GSG1: variants seen among roughly 807,000 people sequenced by gnomAD.
GSG1 encodes the protein germ cell-specific gene 1 protein.
In GSG1, 28 loss-of-function variants were observed where a neutral mutation model predicts 30.8. The observed-to-expected ratio is 0.91, with a 90% CI of 0.67 to 1.25. The LOEUF (loss-of-function observed/expected upper bound fraction) is 1.25. GSG1 is among the 50% of genes most tolerant of loss of function. The pLI, the probability that GSG1 is intolerant of heterozygous loss-of-function variation, is 0.00. For missense variants in GSG1, 435 were observed against 444.7 expected, an observed-to-expected ratio of 0.98 and a Z score of 0.20; for synonymous variants, 162 against 178.0, an observed-to-expected ratio of 0.91 and a Z score of 0.71.
Position 13,085,148 on chromosome 12 carries a change from C to T in GSG1, c.842G>A (p.Ser281Asn), listed in dbSNP as rs772426524. The stretch of plus-strand genomic sequence containing the variant: ...GTTCGGGTTTTCCTTGAAGCTCTTA[C>T]TATGCTTGCACTTGAACTCCAGCAC... ...RMVLEFKCKHSKSFKENPNCL... is the reference protein window; with the variant it reads ...RMVLEFKCKHNKSFKENPNCL... Residue 281 changes from serine (S) to asparagine (N), a missense_variant, in exon 7 of 7, where the codon AGT becomes AAT. Transcript: ENST00000651961. The T allele has an allele frequency of 1.9e-6, 3 of 1,614,192 alleles. No individual in the cohort carries two copies. The highest frequency in any genetic ancestry group is 2.2e-5 in the South Asian group (2 of 91,070).
chr12:13,088,683 TC>T, intron 4 of GSG1, 178 bp downstream of exon 4: 14 of 1,513,726 alleles, frequency 9.2e-6, no homozygotes, highest in Non-Finnish European at 1.3e-5. Context: ...GCAGTTTAGA[TC>T]CGGAGAGGCC....
At chr12:13,099,762 T>TTTGTTTTTTG (rs1565551365) in intron 1 of GSG1, among the ~76,000 whole-genome samples, 6 of 148,262 alleles carry the variant, frequency 4.0e-5, no homozygotes, top group African/African-American at 1.5e-4. Flanking sequence ...TTTTTTTTTT[T>TTTGTTTTTTG]TTTTTTGTTT....
intron 2 of GSG1, among the ~76,000 whole-genome samples, chr12:13,089,832 C>T (rs1555125002): frequency 6.6e-6 from 1 of 152,170 alleles, no homozygotes; most frequent in African/African-American, 2.4e-5. Context: ...GGGCAGATCA[C>T]CTGAGGTCGG....
chr12:13,102,085 A>T (rs1187432229), intron 1 of GSG1, among the ~76,000 whole-genome samples: 2 of 152,158 alleles, frequency 1.3e-5, no homozygotes, highest in African/African-American at 4.8e-5. Flanking sequence ...CTTAATCCTC[A>T]CAACCAGCCT....
At chr12:13,094,974 A>C (rs1329294232) in intron 1 of GSG1, among the ~76,000 whole-genome samples, 1 of 152,218 alleles carries the variant, frequency 6.6e-6, no homozygotes, top group Non-Finnish European at 1.5e-5. Context: ...GGTGACAACC[A>C]ATTTAAGGAA....
intron 4 of GSG1, 182 bp downstream of exon 4, chr12:13,088,680 A>G (rs1591626375): frequency 1.3e-6 from 2 of 1,483,878 alleles, no homozygotes; most frequent in East Asian, 2.3e-5. Flanking sequence ...AGTGCAGTTT[A>G]GATCCGGAGA....
chr12:13,090,646 A>C lies in GSG1; in HGVS notation c.221T>G (p.Met74Arg), dbSNP rs778095514. 2.2e-5 allele frequency: 36 copies of C among 1,614,118 alleles called. No individual in the cohort carries two copies. The highest frequency in any genetic ancestry group is 2.4e-5 in the Non-Finnish European group (28 of 1,180,056). The change falls in exon 2 of 7, where the codon ATG (methionine) becomes AGG (arginine). Residue 74 changes from methionine (M) to arginine (R), a missense_variant. Physicochemically the swap from Met to Arg is moderately conservative, Grantham distance 91. Coordinates refer to ENST00000651961, the MANE Select transcript of GSG1 (RefSeq NM_001080555.4). Reference sequence around the variant, plus strand: ...GGTATCTCCATCCAGGGACACTGGCATGTCAAAGCACTTGGCTGCCAGACC... The same window carrying C: ...GGTATCTCCATCCAGGGACACTGGCCTGTCAAAGCACTTGGCTGCCAGACC... ...EKGLAAKCFD[M>R]PVSLDGDTNT...
rs771192361 is a variant in GSG1 at position 13,087,160 on chromosome 12, C to T, written c.738G>A (p.Trp246Ter). ...GAGATGACAGCACTTACTAGAAGGC[C>T]CAGCCATAATTCCAAACATGTGGTC... Reference protein sequence around the residue: ...DWRPHVWNYGWAFYMAWLSFT... With the variant: ...DWRPHVWNYG Residue 246 changes from tryptophan (W) to a stop codon, truncating the protein, a stop_gained, in exon 6 of 7, where the codon TGG (tryptophan) becomes TGA (stop). Transcript: ENST00000651961. LOFTEE classifies it low-confidence loss of function (END_TRUNC). 7 of 1,611,906 alleles carry T rather than the reference C, an allele frequency of 4.3e-6. No individual in the cohort carries two copies. In the Admixed American group the frequency reaches 1.2e-4, roughly 27 times the overall value.
In GSG1 at chr12:13,085,162, G is replaced by A; in HGVS notation, c.828C>T (p.Phe276=). 6.2e-7 allele frequency: 1 copy of A among 1,614,144 alleles called. No individual in the cohort carries two copies. The highest frequency in any genetic ancestry group is 2.2e-5 in the East Asian group (1 of 44,886). Residue 276 remains phenylalanine, a synonymous_variant, in exon 7 of 7, where the codon TTC becomes TTT. Coordinates refer to ENST00000651961, the MANE Select transcript of GSG1 (RefSeq NM_001080555.4). Reference sequence around the variant, plus strand: ...TGAAGCTCTTACTATGCTTGCACTTGAACTCCAGCACCATCCTGGTGTACG... The same window carrying A: ...TGAAGCTCTTACTATGCTTGCACTTAAACTCCAGCACCATCCTGGTGTACG... ...FNTYTRMVLE[F]KCKHSKSFKE...
intron 2 of GSG1, 120 bp downstream of exon 2, chr12:13,090,383 G>T: frequency 3.5e-6 from 3 of 852,266 alleles, no homozygotes; most frequent in Non-Finnish European, 5.4e-6. Flanking sequence ...CTGGGGTGTG[G>T]GCAGTGCTGC....
chr12:13,096,607 A>T (rs1448067392), intron 1 of GSG1, among the ~76,000 whole-genome samples: 3 of 152,142 alleles, frequency 2.0e-5, no homozygotes, highest in African/African-American at 7.2e-5. Context: ...GAATTCCAGG[A>T]TCTGGAATGC....
At position 13,085,238 on chromosome 12, in the gene GSG1, GC is replaced by G. The variant is rs777881406; in HGVS notation, c.751del (p.Ala251ProfsTer62). The G allele has an allele frequency of 6.3e-7, 1 of 1,599,282 alleles. No homozygotes were observed. The highest frequency in any genetic ancestry group is 1.7e-5 in the Admixed American group (1 of 59,016). On this transcript the variant is annotated frameshift_variant, in exon 7 of 7. Transcript: ENST00000651961. LOFTEE classifies it low-confidence loss of function (END_TRUNC). The part of the protein sequence containing the change: ...VWNYGWAFYM[A>X]WLSFTCCMAS... ...CATGCAGCAGGTGAAGGAGAGCCAG[GC>G]CATGCTAGGGACAAATGCACAAAAA...
chr12:13,088,745 A>G, intron 4 of GSG1, 117 bp downstream of exon 4: 1 of 1,612,816 alleles, frequency 6.2e-7, no homozygotes, highest in Non-Finnish European at 8.5e-7. Flanking sequence ...TACTTGCCAC[A>G]AAGCCCCAAG....
Position 13,093,853 on chromosome 12 carries a change from G to A in GSG1, c.49-3035C>T, listed in dbSNP as rs574756703. Among the ~76,000 whole-genome samples, 8 of 152,358 alleles carry A rather than the reference G, an allele frequency of 5.3e-5. No homozygotes were observed. The highest frequency in any genetic ancestry group is 1.9e-4 in the African/African-American group (8 of 41,592). On this transcript the variant is annotated intron_variant, in intron 1 of 6. Coordinates refer to ENST00000651961, the MANE Select transcript of GSG1 (RefSeq NM_001080555.4). The surrounding 1 kb of genome is among the most constrained non-coding windows in gnomAD (Gnocchi z 4.6). Reference sequence around the variant, plus strand: ...TTCAGCCTAAGAGAAGAGGAGGCAAGCTAAAATATGACTGGTATTAGACGG... The same window carrying A: ...TTCAGCCTAAGAGAAGAGGAGGCAAACTAAAATATGACTGGTATTAGACGG...
intron 5 of GSG1, 104 bp from the exon 6 acceptor site, chr12:13,087,367 G>C: frequency 1.3e-6 from 1 of 794,622 alleles, no homozygotes; most frequent in Non-Finnish European, 2.2e-6. Context: ...CGCAGCCTCT[G>C]TTGGAGTAGC....
At chr12:13,088,282 T>C (rs1306403559) in intron 4 of GSG1, among the ~76,000 whole-genome samples, 1 of 148,024 alleles carries the variant, frequency 6.8e-6, no homozygotes, top group South Asian at 2.1e-4. Context: ...TAAGCTTGAC[T>C]GACTGTAAAT....
At chr12:13,103,288 G>A (rs1187527090) in intron 1 of GSG1, among the ~76,000 whole-genome samples, 177 bp downstream of exon 1, 1 of 152,152 alleles carries the variant, frequency 6.6e-6, no homozygotes, top group Non-Finnish European at 1.5e-5. Context: ...TATGAAAACT[G>A]GGCTGAGTGA....
intron 3 of GSG1, 75 bp from the exon 4 acceptor site, chr12:13,088,984 A>G: frequency 6.5e-7 from 1 of 1,544,458 alleles, no homozygotes; most frequent in Non-Finnish European, 8.9e-7. Flanking sequence ...CCACCCCATA[A>G]CTGGTACTGC....
intron 1 of GSG1, among the ~76,000 whole-genome samples, chr12:13,096,020 C>G (rs1866630563): frequency 6.6e-6 from 1 of 152,188 alleles, no homozygotes; most frequent in Admixed American, 6.5e-5. Flanking sequence ...GAAGATATGG[C>G]AGGTCACCAT....
Sources: allele counts gnomAD v4.1 joint callset (sites outside exome capture counted in the v4.1 genomes callset), GRCh38; gene constraint gnomAD v4.1.1; non-coding constraint Gnocchi (gnomAD v3.1); transcripts MANE v1.5; gene names NCBI Gene and HGNC (gene_info 2026-07-23, HGNC 2026-07-21).